Variants in MED23 observed in about 807,000 individuals in gnomAD.
MED23 encodes the protein mediator complex subunit 23, also known as mediator of RNA polymerase II transcription subunit 23.
Under a neutral mutation model 163.9 loss-of-function variants are expected in MED23, and 105 were observed. The ratio of observed to expected loss-of-function variants is 0.64; its 90% CI spans 0.55 to 0.75. The LOEUF (loss-of-function observed/expected upper bound fraction) is 0.75, where lower values mean the gene tolerates loss of function less well. Among genes scored for constraint, MED23 ranks in the 30% least tolerant of loss-of-function variants. The pLI is 0.00. For missense variants in MED23, 1,054 were observed against 1,649.0 expected, an observed-to-expected ratio of 0.64 and a Z score of 6.25; for synonymous variants, 561 against 565.6, an observed-to-expected ratio of 0.99 and a Z score of 0.12.
chr6:131,606,530 T>C lies in MED23; in HGVS notation c.1316A>G (p.Asp439Gly), dbSNP rs1775867191. The C allele has an allele frequency of 1.9e-6, 3 of 1,613,692 alleles. No individual in the cohort carries two copies. The highest frequency in any genetic ancestry group is 2.5e-6 in the Non-Finnish European group (3 of 1,179,710). Residue 439 changes from aspartate to glycine, a missense_variant, in exon 13 of 29, where the codon GAC becomes GGC. Around this residue, in one of 11 missense-constraint regions of MED23, gnomAD observed 39 missense variants for 50.5 expected, o/e 0.77. Coordinates refer to ENST00000368068, the MANE Select transcript of MED23 (RefSeq NM_004830.4). Reference protein sequence around the residue: ...WIHLNRKAQNDNSKLQIPIPH... With the variant: ...WIHLNRKAQNGNSKLQIPIPH... ...TATTGGAATCTGTAGCTTGGAGTTG[T>C]CATTTTGAGCTTTTCTATTGAGATG...
At chr6:131,620,541 T>TCTTCCCACCTTTG in intron 7 of MED23, 87 bp downstream of exon 7, 1 of 850,786 alleles carries the variant, frequency 1.2e-6, no homozygotes, top group Non-Finnish European at 2.0e-6. Flanking sequence ...CCTCAAATCA[T>TCTTCCCACCTTTG]CTTCCCACCT....
At chr6:131,608,143 T>G (rs1415848147) in intron 11 of MED23, 72 bp from the exon 12 acceptor site, 46 of 1,559,934 alleles carry the variant, frequency 2.9e-5, no homozygotes, top group Admixed American at 5.2e-5. Flanking sequence ...TTTTTGTTGT[T>G]TTTTTGTTTT....
intron 10 of MED23, among the ~76,000 whole-genome samples, chr6:131,610,748 G>T (rs1478602577): frequency 6.6e-6 from 1 of 152,080 alleles, no homozygotes; most frequent in Non-Finnish European, 1.5e-5. Context: ...ATATACAGAG[G>T]TATATCTAAA....
chr6:131,579,346 G>T, intron 30 of MED23: 1 of 1,578,372 alleles, frequency 6.3e-7, no homozygotes, highest in Non-Finnish European at 8.7e-7. Context: ...AAGGCCATAA[G>T]AAGAGAGAAA....
rs1585488260 is a variant in MED23 at position 131,598,674 on chromosome 6, T to C, written c.2308A>G (p.Met770Val). 1 of 1,614,062 alleles carries C rather than the reference T, an allele frequency of 6.2e-7. No individual in the cohort carries two copies. Among genetic ancestry groups the C allele is most frequent in the Non-Finnish European group, 8.5e-7 (1 of 1,180,016 alleles). The change falls in exon 19 of 29, where the codon ATG (methionine) becomes GTG (valine). Residue 770 changes from methionine to valine, a missense_variant. Around this residue, in one of 11 missense-constraint regions of MED23, gnomAD observed 228 missense variants for 461.3 expected, o/e 0.49. Transcript: ENST00000368068. The surrounding 1 kb of genome is among the most constrained non-coding windows in gnomAD (Gnocchi z 4.7). Reference protein sequence around the residue: ...VEEEYRKWKSMSNENDIITHF... With the variant: ...VEEEYRKWKSVSNENDIITHF... ...GTAATAATGTCGTTTTCGTTGCTCA[T>C]TGACTTCCACTTCCTATACTCCTCC...
At chr6:131,601,020 A>G (rs1775434990) in intron 17 of MED23, among the ~76,000 whole-genome samples, 1 of 148,740 alleles carries the variant, frequency 6.7e-6, no homozygotes, top group South Asian at 2.1e-4. Flanking sequence ...CTGACTGAGC[A>G]CTGAGTTAAA....
At chr6:131,586,399 CAAA>C (rs547558863), downstream of MED23, among the ~76,000 whole-genome samples, 5 of 74,766 alleles carry the variant, frequency 6.7e-5, no homozygotes, top group Admixed American at 1.6e-4. Context: ...GACTCCGTCT[CAAA>C]AAAAAAAAAA....
chr6:131,613,746 C>T (rs1489869270), intron 10 of MED23, among the ~76,000 whole-genome samples: 1 of 152,064 alleles, frequency 6.6e-6, no homozygotes, highest in Non-Finnish European at 1.5e-5. Context: ...TCAGCATTTC[C>T]ATTATAAACT....
At chr6:131,592,959 A>C (rs762664032) in intron 24 of MED23, 47 bp downstream of exon 24, 81 of 1,607,142 alleles carry the variant, frequency 5.0e-5, no homozygotes, top group Non-Finnish European at 6.7e-5. Flanking sequence ...ATACCATTCT[A>C]TTTACAAATA....
At position 131,627,443 on chromosome 6, in the gene MED23, T is replaced by C. The variant is rs751397767; in HGVS notation, c.112A>G (p.Ile38Val). Residue 38 changes from isoleucine to valine, a missense_variant, in exon 3 of 29, where the codon ATT becomes GTT. Physicochemically the swap from Ile to Val is conservative, Grantham distance 29. Transcript: ENST00000368068. ...DTPEDEKTKL[I>V]SCLGAFRQFW... Reference sequence around the variant, plus strand: ...TGTCTGAAGGCCCCCAAACAGCTAATTAGTTTTGTTTTCTCATCTTCAGGA... The same window carrying C: ...TGTCTGAAGGCCCCCAAACAGCTAACTAGTTTTGTTTTCTCATCTTCAGGA... 1.2e-6 allele frequency: 2 copies of C among 1,613,660 alleles called. No homozygotes were observed. The highest frequency in any genetic ancestry group is 1.7e-6 in the Non-Finnish European group (2 of 1,179,890).
intron 22 of MED23, among the ~76,000 whole-genome samples, chr6:131,594,634 T>C (rs189644024): frequency 9.2e-5 from 14 of 152,300 alleles, no homozygotes; most frequent in African/African-American, 3.1e-4. Context: ...AGGGATGTCA[T>C]TGCAGCCCTG....
intron 11 of MED23, among the ~76,000 whole-genome samples, chr6:131,609,733 C>CAT (rs921959930): frequency 8.6e-4 from 124 of 144,722 alleles, no homozygotes; most frequent in African/African-American, 2.5e-3. Context: ...TATACACATA[C>CAT]ATATATATAT....
intron 30 of MED23, chr6:131,579,544 C>T: frequency 2.9e-6 from 1 of 342,408 alleles, no homozygotes; most frequent in South Asian, 3.7e-5. Context: ...TCTAAATATT[C>T]ATCACAAGCT....
At chr6:131,574,177 A>C (rs1304729532) in exon 31 of MED23, 2 of 1,290,160 alleles carry the variant, frequency 1.6e-6, no homozygotes, top group Admixed American at 1.7e-5. Flanking sequence ...GAACAAAATC[A>C]AACAAGACAA....
chr6:131,594,002 T>A, intron 23 of MED23, 97 bp downstream of exon 23: 2 of 1,060,020 alleles, frequency 1.9e-6, no homozygotes, highest in Non-Finnish European at 2.8e-6. Context: ...ATTAAAACCT[T>A]GAAATACATA....
At chr6:131,581,145 G>A in intron 30 of MED23, 1 of 1,460,824 alleles carries the variant, frequency 6.8e-7, no homozygotes, top group South Asian at 1.1e-5. Context: ...CCAAGTGGGA[G>A]CATTGAGTGA....
At chr6:131,615,384 AAAAT>A (rs759556900) in intron 10 of MED23, 1 of 1,594,800 alleles carries the variant, frequency 6.3e-7, no homozygotes, top group Non-Finnish European at 8.6e-7. Flanking sequence ...GGACAGAACA[AAAAT>A]AAAGGAAGAA....
chr6:131,627,686 A>AAC lies in MED23; in HGVS notation c.40-15_40-14insGT, dbSNP rs1554258462. 2.1e-5 allele frequency: 34 copies of AAC among 1,602,624 alleles called. No individual in the cohort carries two copies. Among genetic ancestry groups the AAC allele is most frequent in the African/African-American group, 1.8e-4 (13 of 73,760 alleles). On this transcript the variant is annotated splice_polypyrimidine_tract_variant and intron_variant, in intron 1 of 28. Transcript: ENST00000368068. Reference sequence around the variant, plus strand: ...AACTTCCGTTTTCTGTAAAAAAAAAAAAAACAAAATGTAAACAATGTTAAT... The same window carrying AAC: ...AACTTCCGTTTTCTGTAAAAAAAAAAACAAAACAAAATGTAAACAATGTTAAT...
At chr6:131,591,176 C>T in intron 26 of MED23, 137 bp downstream of exon 26, 1 of 694,132 alleles carries the variant, frequency 1.4e-6, no homozygotes, top group South Asian at 1.6e-5. Flanking sequence ...GATGGGGTTT[C>T]ACAATGTTGG....
Sources: allele counts gnomAD v4.1 joint callset (sites outside exome capture counted in the v4.1 genomes callset), GRCh38; gene constraint gnomAD v4.1.1; regional missense constraint gnomAD v4.1.1; non-coding constraint Gnocchi (gnomAD v3.1); transcripts MANE v1.5; gene names NCBI Gene and HGNC (gene_info 2026-07-23, HGNC 2026-07-21).